The following DLG2 variants were observed in gnomAD, a reference collection of about 807,000 sequenced individuals.
The protein encoded by DLG2 is disks large homolog 2.
A neutral mutation model predicts 132.5 loss-of-function variants in DLG2; 45 were observed. The observed-to-expected ratio is 0.34, with a 90% CI of 0.27 to 0.44. DLG2 has a LOEUF of 0.44. Among genes scored for constraint, DLG2 ranks in the 20% least tolerant of loss-of-function variants. The pLI is 1.00. For synonymous variants in DLG2, 424 were observed against 419.6 expected, an observed-to-expected ratio of 1.01 and a Z score of -0.13; for missense variants, 1,045 against 1,196.9, an observed-to-expected ratio of 0.87 and a Z score of 1.87.
chr11:84,400,542 C>A (rs1385817807), intron 7 of DLG2, among the ~76,000 whole-genome samples: 1 of 152,152 alleles, frequency 6.6e-6, no homozygotes, highest in African/African-American at 2.4e-5. Context: ...GGCTCCTATG[C>A]CCACTCTAAC....
intron 6 of DLG2, among the ~76,000 whole-genome samples, chr11:84,939,189 A>G (rs1318083804): frequency 2.0e-5 from 3 of 152,128 alleles, no homozygotes; most frequent in Non-Finnish European, 4.4e-5. Context: ...ATACAACTCA[A>G]TTTGAGAGCC....
At chr11:83,487,540 T>G (rs2093596157) in intron 21 of DLG2, among the ~76,000 whole-genome samples, 1 of 152,084 alleles carries the variant, frequency 6.6e-6, no homozygotes, top group African/African-American at 2.4e-5. Context: ...TATTCCTGGT[T>G]GCAAATATCA....
intron 6 of DLG2, among the ~76,000 whole-genome samples, chr11:84,669,707 T>C (rs2099703661): frequency 6.6e-6 from 1 of 151,982 alleles, no homozygotes; most frequent in Admixed American, 6.6e-5. Flanking sequence ...CACCTGACAA[T>C]ATTTTGATCA....
At chr11:83,972,957 C>G (rs1208561822) in intron 12 of DLG2, among the ~76,000 whole-genome samples, 1 of 151,988 alleles carries the variant, frequency 6.6e-6, no homozygotes, top group Non-Finnish European at 1.5e-5. Context: ...ATTTCTTAAC[C>G]TTTTACTCCA....
At chr11:85,391,987 G>A (rs1399025490) in intron 3 of DLG2, among the ~76,000 whole-genome samples, 2 of 152,072 alleles carry the variant, frequency 1.3e-5, no homozygotes, top group Non-Finnish European at 2.9e-5. Context: ...TGGTAATGAG[G>A]AAGTCAAACT....
chr11:85,201,658 T>A (rs1267315750), intron 4 of DLG2, among the ~76,000 whole-genome samples: 3 of 151,920 alleles, frequency 2.0e-5, no homozygotes, highest in African/African-American at 7.3e-5. Flanking sequence ...CAAAGTAAAA[T>A]AAATACCTAT....
chr11:84,482,883 T>C lies in DLG2; in HGVS notation c.519+51687A>G, dbSNP rs543789077. On this transcript the variant is annotated intron_variant, in intron 7 of 27. Transcript: ENST00000376104. The stretch of plus-strand genomic sequence containing the variant: ...GAATGAACAATGGGTAACAAAAAAT[T>C]AAATGAGTAAATTCCTTCTCTGATT... Among the ~76,000 whole-genome samples, 7 of 152,252 alleles carry C rather than the reference T, an allele frequency of 4.6e-5. No individual in the cohort carries two copies. In the South Asian group the frequency reaches 1.4e-3, roughly 32 times the overall value.
intron 3 of DLG2, among the ~76,000 whole-genome samples, chr11:85,318,440 A>G (rs937383057): frequency 2.0e-5 from 3 of 151,596 alleles, no homozygotes; most frequent in African/African-American, 7.3e-5. Context: ...TAATGAGTAG[A>G]AAAAAAAGGA....
intron 6 of DLG2, among the ~76,000 whole-genome samples, chr11:84,744,426 G>T (rs947041362): frequency 1.3e-5 from 2 of 152,074 alleles, no homozygotes; most frequent in African/African-American, 4.8e-5. Context: ...CTGCATGAAA[G>T]AAAATCTGAA....
At chr11:84,799,198 T>G (rs1181869275) in intron 6 of DLG2, among the ~76,000 whole-genome samples, 1 of 152,152 alleles carries the variant, frequency 6.6e-6, no homozygotes, top group Non-Finnish European at 1.5e-5. Context: ...CCAGAGCACT[T>G]TATCTCATGG....
intron 6 of DLG2, chr11:84,720,452 C>G: frequency 1.0e-6 from 1 of 985,380 alleles, no homozygotes; most frequent in Non-Finnish European, 1.2e-6. Flanking sequence ...GCTGTGCTCG[C>G]CGGGCACATG....
At chr11:84,770,998 A>C (rs1410826593) in intron 6 of DLG2, among the ~76,000 whole-genome samples, 1 of 151,960 alleles carries the variant, frequency 6.6e-6, no homozygotes, top group East Asian at 1.9e-4. Context: ...GTGTATACGT[A>C]CGCCATTTTC....
chr11:84,327,172 G>A lies in DLG2; in HGVS notation c.520-75881C>T, dbSNP rs554510652. The stretch of plus-strand genomic sequence containing the variant: ...CTCTCTGTCACCCAGACTGGAGTGC[G>A]GTGGTGCAATCTCGGCTCACTTCAA... On this transcript the variant is annotated intron_variant, in intron 7 of 27. Transcript: ENST00000376104. Among the ~76,000 whole-genome samples, 6 of 143,524 alleles carry A rather than the reference G, an allele frequency of 4.2e-5. No individual in the cohort carries two copies. The East Asian group carries it at 6.1e-4, about 15-fold the overall frequency. 94.2% of individuals were successfully genotyped at this position (143,524 alleles called of 152,430 possible). A position where few individuals can be genotyped will look rare whatever the true frequency, so the allele number is the denominator to read the frequency against.
intron 7 of DLG2, among the ~76,000 whole-genome samples, chr11:84,460,933 C>T (rs1439416721): frequency 6.6e-6 from 1 of 150,608 alleles, no homozygotes; most frequent in Non-Finnish European, 1.5e-5. Flanking sequence ...ATAAGAGACT[C>T]ATTGAAACAT....
chr11:84,449,987 T>C (rs2099046902), intron 7 of DLG2, among the ~76,000 whole-genome samples: 1 of 152,058 alleles, frequency 6.6e-6, no homozygotes, highest in East Asian at 1.9e-4. Flanking sequence ...GTTTTCCATC[T>C]ACCATCTTAT....
At chr11:84,484,048 G>T (rs992972328) in intron 7 of DLG2, among the ~76,000 whole-genome samples, 1 of 152,114 alleles carries the variant, frequency 6.6e-6, no homozygotes, top group Non-Finnish European at 1.5e-5. Context: ...CAGACCATGA[G>T]GTCATTAGAC....
At chr11:83,835,348 G>A (rs1395239968) in intron 16 of DLG2, among the ~76,000 whole-genome samples, 5 of 151,964 alleles carry the variant, frequency 3.3e-5, no homozygotes, top group Non-Finnish European at 7.4e-5. Flanking sequence ...ATTTTGGAGA[G>A]AAAAAAAGGC....
intron 7 of DLG2, among the ~76,000 whole-genome samples, chr11:84,401,932 C>G (rs1217150072): frequency 6.6e-6 from 1 of 152,118 alleles, no homozygotes; most frequent in Non-Finnish European, 1.5e-5. Flanking sequence ...AGCAGATGAA[C>G]TTCCATAAAG....
chr11:84,171,437 C>T (rs944830784), intron 8 of DLG2, among the ~76,000 whole-genome samples: 10 of 152,052 alleles, frequency 6.6e-5, no homozygotes. Flanking sequence ...TTTATTATTC[C>T]ATACATTACA....
Sources: allele counts gnomAD v4.1 joint callset (sites outside exome capture counted in the v4.1 genomes callset), GRCh38; gene constraint gnomAD v4.1.1; transcripts MANE v1.5; gene names NCBI Gene and HGNC (gene_info 2026-07-23, HGNC 2026-07-21).